The following ARB2A variants were observed in gnomAD, a reference collection of about 807,000 sequenced individuals.
The protein encoded by ARB2A is ARB2 cotranscriptional regulator A.
chr5:94,013,640 C>T, the ARB2A span, among the ~76,000 whole-genome samples: 1 of 151,960 alleles, frequency 6.6e-6, no homozygotes, highest in Non-Finnish European at 1.5e-5. Context: ...AGATAATTTA[C>T]AGAAGATGGG....
the ARB2A span, among the ~76,000 whole-genome samples, chr5:93,711,592 G>A: frequency 1.3e-5 from 2 of 152,132 alleles, no homozygotes; most frequent in Non-Finnish European, 2.9e-5. Flanking sequence ...TAAAAAGGTG[G>A]CAAAATTGTC....
chr5:93,862,874 C>A, the ARB2A span: 1 of 152,014 alleles, frequency 6.6e-6, no homozygotes, highest in African/African-American at 2.4e-5. Context: ...TATTTCCTTC[C>A]AAATGTCTTA....
chr5:93,713,718 A>G, the ARB2A span, among the ~76,000 whole-genome samples: 11 of 151,804 alleles, frequency 7.2e-5, no homozygotes, highest in South Asian at 2.1e-3. Flanking sequence ...GGCAGTCAGT[A>G]TATTGAGGAG....
the ARB2A span, among the ~76,000 whole-genome samples, chr5:93,622,941 T>C: frequency 6.6e-6 from 1 of 152,214 alleles, no homozygotes; most frequent in Non-Finnish European, 1.5e-5. Flanking sequence ...TTTATTCAAA[T>C]GACAATCTTA....
the ARB2A span, among the ~76,000 whole-genome samples, chr5:94,082,177 T>G: frequency 6.6e-6 from 1 of 152,194 alleles, no homozygotes; most frequent in Non-Finnish European, 1.5e-5. Flanking sequence ...TTTGCCTCCC[T>G]TGCCCATTAG....
chr5:93,934,401 A>G, the ARB2A span, among the ~76,000 whole-genome samples: 2 of 152,314 alleles, frequency 1.3e-5, no homozygotes, highest in Non-Finnish European at 2.9e-5. Context: ...TTGCTTACAC[A>G]ACAACCATTT....
the ARB2A span, among the ~76,000 whole-genome samples, chr5:93,820,255 G>C: frequency 5.9e-5 from 9 of 152,252 alleles, no homozygotes; most frequent in East Asian, 1.9e-4. Context: ...GGAAGGTAAG[G>C]TGTGCTGAGA....
chr5:93,906,429 C>T, the ARB2A span, among the ~76,000 whole-genome samples: 1 of 151,330 alleles, frequency 6.6e-6, no homozygotes, highest in Non-Finnish European at 1.5e-5. Flanking sequence ...CCTTAAAATA[C>T]TCGAGGTCTG....
At chr5:93,782,985 T>C in the ARB2A span, among the ~76,000 whole-genome samples, 1 of 152,186 alleles carries the variant, frequency 6.6e-6, no homozygotes, top group South Asian at 2.1e-4. Flanking sequence ...ATTCAACTGC[T>C]GTCTAGTCAA....
At chr5:93,871,741 T>C in the ARB2A span, among the ~76,000 whole-genome samples, 2 of 152,106 alleles carry the variant, frequency 1.3e-5, no homozygotes, top group South Asian at 4.1e-4. Context: ...AGGTTTATTG[T>C]TATTTAAAAA....
the ARB2A span, among the ~76,000 whole-genome samples, chr5:93,670,473 A>C: frequency 3.3e-5 from 5 of 152,220 alleles, no homozygotes; most frequent in African/African-American, 1.2e-4. Flanking sequence ...TATGATTTTC[A>C]AGCCTTAAGT....
the ARB2A span, among the ~76,000 whole-genome samples, chr5:93,707,516 T>A: frequency 6.6e-6 from 1 of 151,936 alleles, no homozygotes; most frequent in South Asian, 2.1e-4. Flanking sequence ...AGGGTACAAA[T>A]TTCTCTGTTT....
At chr5:93,790,676 C>T in the ARB2A span, among the ~76,000 whole-genome samples, 3 of 152,140 alleles carry the variant, frequency 2.0e-5, no homozygotes, top group Admixed American at 2.0e-4. Flanking sequence ...AAGCACGAAG[C>T]CATGGCTCAG....
At chr5:93,930,946 C>T in the ARB2A span, among the ~76,000 whole-genome samples, 1 of 152,094 alleles carries the variant, frequency 6.6e-6, no homozygotes, top group African/African-American at 2.4e-5. Context: ...GTTTTAAGCC[C>T]TGCATGCATT....
At chr5:94,074,867 C>T in the ARB2A span, 5 of 711,444 alleles carry the variant, frequency 7.0e-6, no homozygotes, top group Non-Finnish European at 1.1e-5. Context: ...TCTCTCTATG[C>T]TAATTTCCCA....
the ARB2A span, among the ~76,000 whole-genome samples, chr5:94,102,163 A>C: frequency 6.6e-6 from 1 of 151,974 alleles, no homozygotes; most frequent in Non-Finnish European, 1.5e-5. Flanking sequence ...CACCTGCCAA[A>C]GAATGGTTCT....
the ARB2A span, among the ~76,000 whole-genome samples, chr5:93,856,242 A>ATCT: frequency 6.6e-6 from 1 of 152,094 alleles, no homozygotes; most frequent in Admixed American, 6.6e-5. Context: ...ACTTTGGTGA[A>ATCT]TCTGATAATT....
chr5:93,938,242 G>T, the ARB2A span, among the ~76,000 whole-genome samples: 11 of 151,898 alleles, frequency 7.2e-5, no homozygotes, highest in Non-Finnish European at 8.8e-5. Flanking sequence ...TACCTAATAG[G>T]CAAATTCAAA....
At chr5:93,697,061 CAA>C in the ARB2A span, among the ~76,000 whole-genome samples, 298 of 78,214 alleles carry the variant, frequency 3.8e-3, 1 homozygote, top group African/African-American at 9.9e-3. Flanking sequence ...GACTCCATCT[CAA>C]AAAAAAAAAA....
Sources: allele counts gnomAD v4.1 joint callset (sites outside exome capture counted in the v4.1 genomes callset), GRCh38; gene constraint gnomAD v4.1.1; transcripts MANE v1.5; gene names NCBI Gene and HGNC (gene_info 2026-07-23, HGNC 2026-07-21).